MTARC1: variants seen among roughly 807,000 people sequenced by gnomAD.
The protein encoded by MTARC1 is mitochondrial amidoxime-reducing component 1.
A neutral mutation model predicts 33.6 loss-of-function variants in MTARC1; 24 were observed. The observed-to-expected ratio is 0.72, with a 90% confidence interval of 0.52 to 1.01. The LOEUF (loss-of-function observed/expected upper bound fraction) is 1.01, where lower values mean the gene tolerates loss of function less well. Ranked by LOEUF, MTARC1 falls within the 50% of genes least tolerant of loss-of-function variation. The pLI, the probability that MTARC1 is intolerant of heterozygous loss-of-function variation, is 0.00. For missense variants in MTARC1, 417 were observed against 445.7 expected, an observed-to-expected ratio of 0.94 and a Z score of 0.58; for synonymous variants, 187 against 189.5, an observed-to-expected ratio of 0.99 and a Z score of 0.11.
intron 4 of MTARC1, 80 bp downstream of exon 4, chr1:220,798,094 T>C (rs763453956): frequency 1.2e-6 from 2 of 1,612,792 alleles, no homozygotes; most frequent in Non-Finnish European, 1.7e-6. Context: ...TTGGATTAGA[T>C]TATTCTGAAG....
chr1:220,787,031 CCTGACCGCGGTGGCGCTGGGGG>C lies in MTARC1; in HGVS notation c.91_112del (p.Thr31SerfsTer29). On this transcript the variant is annotated frameshift_variant, in exon 1 of 7. Coordinates refer to ENST00000366910, the MANE Select transcript of MTARC1 (RefSeq NM_022746.4). LOFTEE classifies it high-confidence loss of function. ...GGTGGCTCGGGGTTGCCGCGCTGGG[CCTGACCGCGGTGGCGCTGGGGG>C]CTGTCGCCTGGCGCCGCGCATGGCC... 7.3e-7 allele frequency: 1 copy of C among 1,366,008 alleles called. No individual in the cohort carries two copies. 84.6% of individuals were successfully genotyped at this position (1,366,008 alleles called of 1,614,324 possible).
chr1:220,802,799 T>G lies in MTARC1; in HGVS notation c.754-2253T>G, dbSNP rs74593098. Among the ~76,000 whole-genome samples the G allele has an allele frequency of 5.6e-3, 858 of 152,368 alleles. 13 individuals are homozygous for G. Among genetic ancestry groups the G allele is most frequent in the South Asian group, 0.051 (245 of 4,828 alleles). On this transcript the variant is annotated intron_variant, in intron 4 of 6. Transcript: ENST00000366910. ...CTATCCTTAGCCACCAGCCAGATCCTACGTTTGTTACTTTAAGTTTGGACC... is the reference window on the plus strand; with the variant it reads ...CTATCCTTAGCCACCAGCCAGATCCGACGTTTGTTACTTTAAGTTTGGACC...
Position 220,793,970 on chromosome 1 carries a change from A to ATGAACC in MTARC1, c.449+2313_449+2318dup, listed in dbSNP as rs1395835835. The stretch of plus-strand genomic sequence containing the variant: ...GAAAGGCCTCAAGTTCTGGGTGATT[A>ATGAACC]TGAACCTGAACCCCAGGATCTAGAA... On this transcript the variant is annotated intron_variant, in intron 2 of 6. Coordinates refer to ENST00000366910, the MANE Select transcript of MTARC1 (RefSeq NM_022746.4). 10 of 152,248 alleles carry ATGAACC rather than the reference A, an allele frequency of 6.6e-5. No homozygotes were observed. In the East Asian group the frequency reaches 1.9e-3, roughly 29 times the overall value. 9.4% of individuals were successfully genotyped at this position (152,248 alleles called of 1,614,324 possible). A position where few individuals can be genotyped will look rare whatever the true frequency, so the allele number is the denominator to read the frequency against.
intron 4 of MTARC1, among the ~76,000 whole-genome samples, chr1:220,800,200 C>A (rs1221959674): frequency 7.7e-6 from 1 of 129,378 alleles, no homozygotes; most frequent in Non-Finnish European, 1.7e-5. Context: ...ACCCGTATCT[C>A]TCTCTCTATC....
At chr1:220,810,769 T>C (rs557709689) in intron 6 of MTARC1, among the ~76,000 whole-genome samples, 6 of 151,966 alleles carry the variant, frequency 3.9e-5, no homozygotes, top group Non-Finnish European at 5.9e-5. Flanking sequence ...CTCAGGCCTG[T>C]GGGTGTACTC....
At chr1:220,812,874 G>A (rs1673178210) in intron 6 of MTARC1, among the ~76,000 whole-genome samples, 1 of 152,020 alleles carries the variant, frequency 6.6e-6, no homozygotes, top group Non-Finnish European at 1.5e-5. Flanking sequence ...ACAGGCACCT[G>A]CCACCACTCC....
intron 6 of MTARC1, among the ~76,000 whole-genome samples, chr1:220,810,137 C>T (rs1170152272): frequency 1.3e-5 from 2 of 152,152 alleles, no homozygotes; most frequent in African/African-American, 4.8e-5. Flanking sequence ...GGAGAAAGTG[C>T]ACTAAGGAAG....
At chr1:220,801,807 A>G (rs148782771) in intron 4 of MTARC1, among the ~76,000 whole-genome samples, 82 of 152,184 alleles carry the variant, frequency 5.4e-4, no homozygotes, top group African/African-American at 1.6e-3. Flanking sequence ...GCATGGAGGA[A>G]GGCCGAGGAC....
chr1:220,800,829 C>G (rs72472310), intron 4 of MTARC1, among the ~76,000 whole-genome samples: 1 of 152,094 alleles, frequency 6.6e-6, no homozygotes, highest in African/African-American at 2.4e-5. Flanking sequence ...CTGCGAACCA[C>G]CCCTTGTTCT....
intron 4 of MTARC1, 49 bp from the exon 5 acceptor site, chr1:220,805,003 A>G: frequency 6.3e-7 from 1 of 1,597,712 alleles, no homozygotes. Flanking sequence ...CACACGTGTC[A>G]GGGGCAGGGC....
chr1:220,789,521 T>A lies in MTARC1; in HGVS notation c.276-1970T>A, dbSNP rs554924743. 7.2e-5 allele frequency among the ~76,000 whole-genome samples: 11 copies of A among 152,356 alleles called. No individual in the cohort carries two copies. In the South Asian group the frequency reaches 2.3e-3, roughly 32 times the overall value. On this transcript the variant is annotated intron_variant, in intron 1 of 6. Transcript: ENST00000366910. Reference sequence around the variant, plus strand: ...TGTTGGGCCTCATTCAAAGCTGTCCTGGGCCACGGGTTGGACAAGCTTACT... The same window carrying A: ...TGTTGGGCCTCATTCAAAGCTGTCCAGGGCCACGGGTTGGACAAGCTTACT...
chr1:220,815,529 A>G lies in MTARC1; in HGVS notation c.*2111A>G, dbSNP rs1241612959. On this transcript the variant is annotated 3_prime_UTR_variant, in exon 7 of 7. Transcript: ENST00000366910. ...GCAGACCTGTCCTTCTGTGCCTCAC[A>G]GTGTGAGGAAGATTCCTGTTTGAAG... 1 of 152,230 alleles carries G rather than the reference A, an allele frequency of 6.6e-6. No homozygotes were observed. The highest frequency in any genetic ancestry group is 1.5e-5 in the Non-Finnish European group (1 of 68,044). The allele number at this position is 152,230 out of a possible 1,614,324, so 9.4% of individuals were successfully genotyped here. A position where few individuals can be genotyped will look rare whatever the true frequency, so the allele number is the denominator to read the frequency against.
intron 6 of MTARC1, among the ~76,000 whole-genome samples, chr1:220,807,601 A>G (rs1245128131): frequency 6.6e-6 from 1 of 152,122 alleles, no homozygotes; most frequent in Non-Finnish European, 1.5e-5. Context: ...AAACAAACAA[A>G]CAAAAAAACA....
At chr1:220,805,904 G>T (rs901177495) in intron 6 of MTARC1, among the ~76,000 whole-genome samples, 1 of 152,058 alleles carries the variant, frequency 6.6e-6, no homozygotes, top group Non-Finnish European at 1.5e-5. Context: ...AGATAGTCAA[G>T]ATGCTGTGTT....
At chr1:220,791,202 G>A (rs1180489701) in intron 1 of MTARC1, 1 of 233,014 alleles carries the variant, frequency 4.3e-6, no homozygotes, top group African/African-American at 2.2e-5. Flanking sequence ...TCTAGAGATT[G>A]AGATGAAAAT....
At chr1:220,801,891 G>A (rs72472318) in intron 4 of MTARC1, among the ~76,000 whole-genome samples, 3 of 151,968 alleles carry the variant, frequency 2.0e-5, no homozygotes, top group South Asian at 2.1e-4. Context: ...GTGGCTTTTC[G>A]CTGCCTCCCT....
Position 220,787,022 on chromosome 1 carries a change from C to G in MTARC1, c.78C>G (p.Ala26=), listed in dbSNP as rs1672254691. The G allele has an allele frequency of 2.3e-6, 3 of 1,319,078 alleles. No individual in the cohort carries two copies. Among genetic ancestry groups the G allele is most frequent in the Non-Finnish European group, 2.9e-6 (3 of 1,042,342 alleles). The allele number at this position is 1,319,078 out of a possible 1,614,324, so 81.7% of individuals were successfully genotyped here. A position where few individuals can be genotyped will look rare whatever the true frequency, so the allele number is the denominator to read the frequency against. The part of the protein sequence containing the change: ...AQSRPGWLGV[A]ALGLTAVALG... ...CCCGGCCCGGGTGGCTCGGGGTTGC[C>G]GCGCTGGGCCTGACCGCGGTGGCGC... is the stretch of plus-strand genomic sequence containing the variant. The change falls in exon 1 of 7, where the codon GCC becomes GCG. Residue 26 remains alanine, a synonymous_variant. Coordinates refer to ENST00000366910, the MANE Select transcript of MTARC1 (RefSeq NM_022746.4).
In MTARC1 at chr1:220,796,671, G is replaced by A; in HGVS notation, c.478G>A (p.Asp160Asn). Residue 160 changes from aspartate (D) to asparagine (N), a missense_variant, in exon 3 of 7, where the codon GAC (aspartate) becomes AAC (asparagine). By Grantham distance (23) the Asp-to-Asn change is conservative. Coordinates refer to ENST00000366910, the MANE Select transcript of MTARC1 (RefSeq NM_022746.4). ...RVHGLEIEGR[D>N]CGEATAQWIT... is the part of the protein sequence containing the mutation. ...GCACGGCCTGGAGATAGAGGGCAGG[G>A]ACTGTGGCGAGGCCACCGCCCAGTG... The A allele has an allele frequency of 8.7e-6, 14 of 1,610,950 alleles. No individual in the cohort carries two copies. The highest frequency in any genetic ancestry group is 1.2e-5 in the Non-Finnish European group (14 of 1,178,760).
At position 220,815,771 on chromosome 1, in the gene MTARC1, C is replaced by T. The variant is rs1673267494; in HGVS notation, c.*2353C>T. ...TGTAGGCCATCCCAGACTTTCAGAT[C>T]TTACAACAGCAAATGACAGATGTTT... is the stretch of plus-strand genomic sequence containing the variant. On this transcript the variant is annotated 3_prime_UTR_variant, in exon 7 of 7. Coordinates refer to ENST00000366910, the MANE Select transcript of MTARC1 (RefSeq NM_022746.4). 6.6e-6 allele frequency: 1 copy of T among 152,226 alleles called. No homozygotes were observed. The highest frequency in any genetic ancestry group is 6.5e-5 in the Admixed American group (1 of 15,282). The allele number at this position is 152,226 out of a possible 1,614,324, so 9.4% of individuals were successfully genotyped here.
Sources: allele counts gnomAD v4.1 joint callset (sites outside exome capture counted in the v4.1 genomes callset), GRCh38; gene constraint gnomAD v4.1.1; transcripts MANE v1.5; gene names NCBI Gene and HGNC (gene_info 2026-07-23, HGNC 2026-07-21).